The following TANK variants were observed in gnomAD, a reference collection of about 807,000 sequenced individuals.
TANK encodes TRAF family member associated NFKB activator, also known as TRAF family member-associated NF-kappa-B activator.
TANK carries 15 observed loss-of-function variants against 43.6 expected under a neutral mutation model. That is an observed-to-expected ratio of 0.34 (90% CI 0.23 to 0.53). The LOEUF is 0.53. TANK is among the 20% of genes least tolerant of loss of function. TANK has a pLI of 0.94. For synonymous variants in TANK, 162 were observed against 178.2 expected (o/e 0.91, Z 0.73); for missense variants, 417 against 498.6 (o/e 0.84, Z 1.56).
intron 3 of TANK, among the ~76,000 whole-genome samples, 173 bp downstream of exon 3, chr2:161,203,768 G>A (rs1245382449): frequency 6.6e-6 from 1 of 152,114 alleles, no homozygotes; most frequent in Non-Finnish European, 1.5e-5. Context: ...ATATGGGAAA[G>A]TGGACTTTCA....
intron 4 of TANK, chr2:161,219,964 A>T (rs1461485126): frequency 8.7e-6 from 2 of 229,068 alleles, no homozygotes; most frequent in Non-Finnish European, 1.8e-5. Context: ...CTACCAATCC[A>T]TCCCATCCCA....
At chr2:161,183,075 A>G (rs534699409) in intron 2 of TANK, among the ~76,000 whole-genome samples, 55 of 152,298 alleles carry the variant, frequency 3.6e-4, no homozygotes, top group African/African-American at 1.3e-3. Flanking sequence ...TAGCCATGCA[A>G]TTATTAGCTT....
At chr2:161,184,491 A>G (rs181190977) in intron 2 of TANK, among the ~76,000 whole-genome samples, 11 of 152,336 alleles carry the variant, frequency 7.2e-5, no homozygotes, top group Middle Eastern at 3.4e-3. Context: ...TACTAAATGT[A>G]TGCACATATA....
intron 2 of TANK, chr2:161,180,112 G>C: frequency 1.0e-6 from 1 of 1,000,006 alleles, no homozygotes; most frequent in Non-Finnish European, 1.2e-6. Flanking sequence ...CATTTGTTTG[G>C]TTTTGGTGTT....
intron 4 of TANK, among the ~76,000 whole-genome samples, chr2:161,220,999 G>A (rs192917620): frequency 3.3e-5 from 5 of 152,226 alleles, no homozygotes; most frequent in African/African-American, 1.2e-4. Flanking sequence ...CTAGGGAGAA[G>A]CTTAAATTGA....
Position 161,160,429 on chromosome 2 carries a change from C to T in TANK, c.-107C>T. 8.1e-7 allele frequency: 1 copy of T among 1,240,620 alleles called. No individual in the cohort carries two copies. The highest frequency in any genetic ancestry group is 1.0e-6 in the Non-Finnish European group (1 of 992,204). The allele number at this position is 1,240,620 out of a possible 1,614,324, so 76.9% of individuals were successfully genotyped here. A position where few individuals can be genotyped will look rare whatever the true frequency, so the allele number is the denominator to read the frequency against. On this transcript the variant is annotated 5_prime_UTR_variant, in exon 1 of 8. Coordinates refer to ENST00000392749, the MANE Select transcript of TANK (RefSeq NM_001199135.3). ...AAAATGCAACTTCCGGTTGGAGTCA[C>T]TCGGCCAGGCGCCGGCGACCTGAGG...
At chr2:161,192,902 T>C (rs1297166541) in intron 2 of TANK, among the ~76,000 whole-genome samples, 1 of 152,228 alleles carries the variant, frequency 6.6e-6, no homozygotes, top group African/African-American at 2.4e-5. Context: ...ATATTCGTTA[T>C]ACTAACCTAG....
At chr2:161,198,466 C>G (rs1384571998) in intron 2 of TANK, among the ~76,000 whole-genome samples, 1 of 152,184 alleles carries the variant, frequency 6.6e-6, no homozygotes, top group Non-Finnish European at 1.5e-5. Context: ...CTCTACTGGT[C>G]TGGGGTCTTG....
At chr2:161,202,671 ATTAT>A (rs555697493) in intron 2 of TANK, among the ~76,000 whole-genome samples, 87 of 152,116 alleles carry the variant, frequency 5.7e-4, no homozygotes, top group Non-Finnish European at 1.1e-3. Flanking sequence ...CAACTTAGTC[ATTAT>A]TTATTTATCC....
intron 1 of TANK, chr2:161,137,205 G>A (rs1393415016): frequency 3.0e-6 from 3 of 985,372 alleles, no homozygotes; most frequent in Non-Finnish European, 3.6e-6. Context: ...TGCCTTTGTA[G>A]TTAACGTCAT....
At chr2:161,171,900 AT>A (rs1332236173) in intron 1 of TANK, among the ~76,000 whole-genome samples, 2 of 151,882 alleles carry the variant, frequency 1.3e-5, no homozygotes, top group Admixed American at 6.6e-5. Context: ...TACTGAAAAT[AT>A]TTTTTTTCAA....
At chr2:161,187,030 G>T (rs1322293862) in intron 2 of TANK, among the ~76,000 whole-genome samples, 1 of 152,128 alleles carries the variant, frequency 6.6e-6, no homozygotes, top group African/African-American at 2.4e-5. Context: ...AATAACAGAT[G>T]CTGGCAAAGA....
upstream of TANK, among the ~76,000 whole-genome samples, chr2:161,157,936 G>A (rs996055139): frequency 2.0e-5 from 3 of 152,202 alleles, no homozygotes; most frequent in Non-Finnish European, 2.9e-5. Flanking sequence ...AGCCCGCCTT[G>A]GCCTCCCGAA....
chr2:161,182,516 C>G (rs1685474966), intron 2 of TANK, among the ~76,000 whole-genome samples: 1 of 152,036 alleles, frequency 6.6e-6, no homozygotes, highest in Non-Finnish European at 1.5e-5. Context: ...ATATTAACAT[C>G]CAAATGAAGA....
intron 4 of TANK, among the ~76,000 whole-genome samples, chr2:161,221,035 A>G (rs1405053599): frequency 6.6e-6 from 1 of 152,190 alleles, no homozygotes; most frequent in African/African-American, 2.4e-5. Context: ...AATTCTCCCA[A>G]TTCACATAGG....
At chr2:161,195,623 A>C (rs951091107) in intron 2 of TANK, among the ~76,000 whole-genome samples, 1 of 152,100 alleles carries the variant, frequency 6.6e-6, no homozygotes, top group Non-Finnish European at 1.5e-5. Flanking sequence ...GAGCCATTTA[A>C]GGTTTTTTGG....
At chr2:161,220,254 A>G (rs534414099) in intron 4 of TANK, among the ~76,000 whole-genome samples, 25 of 152,358 alleles carry the variant, frequency 1.6e-4, no homozygotes, top group African/African-American at 6.0e-4. Context: ...TTTCTTACAT[A>G]CATATGAGAG....
chr2:161,203,037 G>A (rs1469714292), intron 2 of TANK: 1 of 260,192 alleles, frequency 3.8e-6, no homozygotes, highest in Non-Finnish European at 7.7e-6. Context: ...CACTTCCTTA[G>A]TGTTTGTGTA....
At chr2:161,180,089 G>A (rs1428185492) in intron 2 of TANK, 1 of 1,016,288 alleles carries the variant, frequency 9.8e-7, no homozygotes, top group Non-Finnish European at 1.2e-6. Context: ...TGACACAGAA[G>A]TATCACTGTC....
Sources: gnomAD v4.1 joint callset for allele counts (sites outside exome capture counted in the v4.1 genomes callset) on GRCh38, gnomAD v4.1.1 for gene constraint, MANE v1.5 for transcripts, NCBI Gene and HGNC (gene_info 2026-07-23, HGNC 2026-07-21) for gene names.